The following KANK4 variants were observed in gnomAD, a reference collection of about 807,000 sequenced individuals.
KANK4 encodes KN motif and ankyrin repeat domains 4.
Under a neutral mutation model 80.8 loss-of-function variants are expected in KANK4, and 50 were observed. That is an observed-to-expected ratio of 0.62 (90% CI 0.49 to 0.78). The LOEUF (loss-of-function observed/expected upper bound fraction) is 0.78. Among genes scored for constraint, KANK4 ranks in the 30% least tolerant of loss-of-function variants. The probability of loss-of-function intolerance (pLI) is 0.00; values close to 1 mark genes in which losing one functional copy is unlikely to be tolerated. For synonymous variants in KANK4, 465 were observed against 506.9 expected (o/e 0.92, Z 1.11); for missense variants, 1,196 against 1,240.1 (o/e 0.96, Z 0.53).
At chr1:62,245,180 C>A (rs1671437233) in intron 9 of KANK4, among the ~76,000 whole-genome samples, 1 of 152,226 alleles carries the variant, frequency 6.6e-6, no homozygotes, top group African/African-American at 2.4e-5. Context: ...CTCCTTCTCC[C>A]CCAGGACAAC....
At chr1:62,310,029 A>AG (rs1277100406) in intron 1 of KANK4, among the ~76,000 whole-genome samples, 2 of 152,248 alleles carry the variant, frequency 1.3e-5, no homozygotes, top group African/African-American at 4.8e-5. Flanking sequence ...GGATTAAGTC[A>AG]GGGAAGGCCA....
At chr1:62,292,895 T>A (rs1279491850) in intron 1 of KANK4, among the ~76,000 whole-genome samples, 1 of 152,200 alleles carries the variant, frequency 6.6e-6, no homozygotes, top group African/African-American at 2.4e-5. Context: ...GGTCCCTGTC[T>A]AGTCCTGCCA....
intron 1 of KANK4, among the ~76,000 whole-genome samples, chr1:62,289,444 TC>T (rs913568215): frequency 5.3e-5 from 8 of 152,094 alleles, no homozygotes; most frequent in African/African-American, 1.7e-4. Flanking sequence ...GGACTCACCC[TC>T]CCCAGAAGAT....
intron 1 of KANK4, among the ~76,000 whole-genome samples, chr1:62,307,733 C>G (rs1424590552): frequency 6.6e-6 from 1 of 151,590 alleles, no homozygotes; most frequent in Non-Finnish European, 1.5e-5. Context: ...GTGGGAGTGA[C>G]TCAAGGCTAG....
chr1:62,263,342 G>GA (rs1363616567), intron 6 of KANK4, 31 bp from the exon 7 acceptor site: 1 of 1,583,360 alleles, frequency 6.3e-7, no homozygotes, highest in Non-Finnish European at 8.6e-7. Flanking sequence ...AATTCCAAGA[G>GA]GTTCCCCGGC....
Position 62,247,571 on chromosome 1 carries a change from A to G in KANK4, c.2784T>C (p.Asp928=), listed in dbSNP as rs1443563885. The G allele has an allele frequency of 7.4e-6, 12 of 1,613,964 alleles. No homozygotes were observed. The East Asian group carries it at 2.7e-4, about 36-fold the overall frequency. ...AGGCCACCATGAGGGCCGAGGATCCATCGTGGTCCTGCAGATTGACATCTG... is the reference window on the plus strand; with the variant it reads ...AGGCCACCATGAGGGCCGAGGATCCGTCGTGGTCCTGCAGATTGACATCTG... ...CQADVNLQDH[D]GSSALMVACH... The change falls in exon 9 of 10, where the codon GAT becomes GAC. Residue 928 remains aspartate (D), a synonymous_variant. Transcript: ENST00000371153.
intron 1 of KANK4, among the ~76,000 whole-genome samples, chr1:62,289,119 T>C (rs982549912): frequency 1.3e-5 from 2 of 152,160 alleles, no homozygotes; most frequent in Non-Finnish European, 2.9e-5. Flanking sequence ...CCTGAAGACA[T>C]AGGTTTTAGT....
chr1:62,295,040 G>A (rs1008983197), intron 1 of KANK4, among the ~76,000 whole-genome samples: 2 of 152,228 alleles, frequency 1.3e-5, no homozygotes, highest in African/African-American at 2.4e-5. Flanking sequence ...ATATCACCCA[G>A]GTTTATATCA....
chr1:62,236,367 A>G lies in KANK4; in HGVS notation c.*1910T>C, dbSNP rs1671200879. 6.6e-6 allele frequency among the ~76,000 whole-genome samples: 1 copy of G among 152,218 alleles called. No homozygotes were observed. Among genetic ancestry groups the G allele is most frequent in the South Asian group, 2.1e-4 (1 of 4,834 alleles). ...ATAAATGTTCGCGAAGCACCGGGCT[A>G]GAACATTTATTAACGTAGGATGTTG... On this transcript the variant is annotated 3_prime_UTR_variant, in exon 10 of 10. Transcript: ENST00000371153.
At chr1:62,272,345 T>A (rs907510498) in intron 3 of KANK4, 1 of 152,268 alleles carries the variant, frequency 6.6e-6, no homozygotes, top group African/African-American at 2.4e-5. Context: ...CACACACACA[T>A]GCACGCAGAG....
At chr1:62,303,709 A>T (rs1216190244) in intron 1 of KANK4, among the ~76,000 whole-genome samples, 1 of 152,110 alleles carries the variant, frequency 6.6e-6, no homozygotes, top group Non-Finnish European at 1.5e-5. Flanking sequence ...ATATGAAAAA[A>T]TGAATATAAA....
chr1:62,244,333 C>T (rs1239214297), intron 9 of KANK4, among the ~76,000 whole-genome samples: 3 of 151,926 alleles, frequency 2.0e-5, no homozygotes, highest in Non-Finnish European at 4.4e-5. Context: ...GTAGCTGGGA[C>T]TACAGGTGCA....
chr1:62,268,599 C>T lies in KANK4; in HGVS notation c.2013-94G>A, dbSNP rs560744147. ...GCTGGGTGGGCCTCGGGTAACACTC[C>T]GCAGCTTGCTAATCTCCTCCCCCAC... is the stretch of plus-strand genomic sequence containing the variant. On this transcript the variant is annotated intron_variant, in intron 4 of 9. Coordinates refer to ENST00000371153, the MANE Select transcript of KANK4 (RefSeq NM_181712.5). 1.2e-4 allele frequency: 116 copies of T among 940,566 alleles called. No homozygotes were observed. The South Asian group carries it at 1.4e-3, about 12-fold the overall frequency. The allele number at this position is 940,566 out of a possible 1,614,324, so 58.3% of individuals were successfully genotyped here.
chr1:62,275,194 ACTT>A (rs1184188104), intron 2 of KANK4, 107 bp from the exon 3 acceptor site: 25 of 829,506 alleles, frequency 3.0e-5, no homozygotes, highest in Middle Eastern at 3.7e-4. Context: ...GTCACTTGAG[ACTT>A]CTTCTAAATG....
chr1:62,304,171 G>C (rs897027416), intron 1 of KANK4, among the ~76,000 whole-genome samples: 1 of 152,000 alleles, frequency 6.6e-6, no homozygotes. Flanking sequence ...CACCATGCCC[G>C]GACCTTCAGA....
chr1:62,274,916 T>G lies in KANK4; in HGVS notation c.188A>C (p.Gln63Pro). 1 of 1,614,174 alleles carries G rather than the reference T, an allele frequency of 6.2e-7. No individual in the cohort carries two copies. The highest frequency in any genetic ancestry group is 8.5e-7 in the Non-Finnish European group (1 of 1,180,024). ...TCGGGGCAGAGTGCTAAATTTGGCCTGCTTGGCCCTTCTGTGGATAGGAAT... is the reference window on the plus strand; with the variant it reads ...TCGGGGCAGAGTGCTAAATTTGGCCGGCTTGGCCCTTCTGTGGATAGGAAT... Reference protein sequence around the residue: ...KRIPIHRRAKQAKFSTLPRNF... With the variant: ...KRIPIHRRAKPAKFSTLPRNF... The change falls in exon 3 of 10, where the codon CAG becomes CCG. Residue 63 changes from glutamine to proline, a missense_variant. Gln to Pro is a moderately conservative substitution (Grantham distance 76). This residue lies in a region of KANK4 where 1,154 missense variants were observed against 1,179.6 expected (regional missense o/e 0.98). Transcript: ENST00000371153.
At chr1:62,288,272 C>G (rs1335901097) in intron 1 of KANK4, among the ~76,000 whole-genome samples, 5 of 152,156 alleles carry the variant, frequency 3.3e-5, no homozygotes, top group Non-Finnish European at 5.9e-5. Flanking sequence ...CTTCTATGGC[C>G]CAGGTCCCTT....
chr1:62,278,391 TTCTTTC>T (rs1557493569), intron 2 of KANK4, among the ~76,000 whole-genome samples: 19,079 of 68,424 alleles, frequency 0.28, 5,782 homozygotes, highest in African/African-American at 0.36. Context: ...CTTTCTTTCT[TTCTTTC>T]TTTTTTTTTT....
At chr1:62,277,919 G>T (rs1395761581) in intron 2 of KANK4, among the ~76,000 whole-genome samples, 1 of 152,202 alleles carries the variant, frequency 6.6e-6, no homozygotes. Flanking sequence ...GATCTCCACA[G>T]AGAATGTGCA....
Sources: allele counts gnomAD v4.1 joint callset (sites outside exome capture counted in the v4.1 genomes callset), GRCh38; gene constraint gnomAD v4.1.1; regional missense constraint gnomAD v4.1.1; transcripts MANE v1.5; gene names NCBI Gene and HGNC (gene_info 2026-07-23, HGNC 2026-07-21).